Variants in ALKBH4 observed in about 807,000 individuals in gnomAD.
The protein encoded by ALKBH4 is alpha-ketoglutarate-dependent dioxygenase alkB homolog 4.
Under a neutral mutation model 12.1 loss-of-function variants are expected in ALKBH4, and 8 were observed. The ratio of observed to expected loss-of-function variants is 0.66; its 90% CI spans 0.39 to 1.19. The LOEUF is 1.19. Among genes scored for constraint, ALKBH4 ranks in the 50% most tolerant of loss-of-function variants. The probability of loss-of-function intolerance (pLI) is 0.01; values close to 1 mark genes in which losing one functional copy is unlikely to be tolerated. For missense variants in ALKBH4, 403 were observed against 430.4 expected, an observed-to-expected ratio of 0.94 and a Z score of 0.56; for synonymous variants, 195 against 191.6, an observed-to-expected ratio of 1.02 and a Z score of -0.15.
intron 1 of ALKBH4, among the ~76,000 whole-genome samples, chr7:102,464,044 C>A (rs548949559): frequency 5.9e-5 from 9 of 152,080 alleles, no homozygotes; most frequent in South Asian, 4.2e-4. Context: ...GACCTCCCCC[C>A]CCCCACAACC....
At position 102,460,267 on chromosome 7, in the gene ALKBH4, G is replaced by A. The variant is rs542773587; in HGVS notation, c.124-466C>T. 2.7e-4 allele frequency among the ~76,000 whole-genome samples: 41 copies of A among 151,348 alleles called. 1 individual carries two copies. The South Asian group carries it at 6.3e-3, about 23-fold the overall frequency. On this transcript the variant is annotated intron_variant, in intron 1 of 2. Transcript: ENST00000292566. ...TTGAGCCCAGGAGGTTGAGGCTACA[G>A]TGAGCCATGGTCGCGCTACTGCACT...
rs1797674606 is a variant in ALKBH4 at position 102,457,266 on chromosome 7, G to A, written c.*128C>T. 2.7e-6 allele frequency: 3 copies of A among 1,116,374 alleles called. No individual in the cohort carries two copies. The African/African-American group carries it at 4.7e-5, about 17-fold the overall frequency. 69.2% of individuals were successfully genotyped at this position (1,116,374 alleles called of 1,614,324 possible). On this transcript the variant is annotated 3_prime_UTR_variant, in exon 3 of 3. Coordinates refer to ENST00000292566, the MANE Select transcript of ALKBH4 (RefSeq NM_017621.4). This position sits in a 1 kb window ranked among gnomAD's most constrained non-coding sequence, Gnocchi z 5.9. ...CCCATCAAAACCTGCTCCTGGGCAG[G>A]GCTCACACTGCTCACAGCATCAGGG...
intron 1 of ALKBH4, among the ~76,000 whole-genome samples, chr7:102,462,204 G>C (rs1057470677): frequency 2.6e-5 from 4 of 152,172 alleles, no homozygotes; most frequent in Admixed American, 1.3e-4. Context: ...GATCTGGAGG[G>C]GGGAGGGGCA....
intron 1 of ALKBH4, among the ~76,000 whole-genome samples, chr7:102,460,910 T>A (rs2133253981): frequency 6.6e-6 from 1 of 152,274 alleles, no homozygotes; most frequent in Non-Finnish European, 1.5e-5. Context: ...TCAGGGCACC[T>A]TTCCAGACCC....
intron 1 of ALKBH4, 64 bp from the exon 2 acceptor site, chr7:102,459,865 TA>T: frequency 6.8e-7 from 1 of 1,476,470 alleles, no homozygotes; most frequent in Non-Finnish European, 9.1e-7. Flanking sequence ...TACGAAAAGT[TA>T]AAACAGGCCA....
chr7:102,459,754 G>A lies in ALKBH4; in HGVS notation c.171C>T (p.Gly57=). Residue 57 remains glycine, a synonymous_variant, in exon 2 of 3, where the codon GGC becomes GGT. Transcript: ENST00000292566. ...AGCCCTCAAAGTCAGACTCCTCTGT[G>A]CCCACGGCCCAGCCGGTGTCGGAGC... ...IYCSDTGWAV[G]TEESDFEGWA... is the part of the protein sequence containing the mutation. The A allele has an allele frequency of 6.2e-7, 1 of 1,613,118 alleles. No individual in the cohort carries two copies. Among genetic ancestry groups the A allele is most frequent in the Non-Finnish European group, 8.5e-7 (1 of 1,179,646 alleles).
At chr7:102,458,665 G>A (rs762060076) in intron 2 of ALKBH4, among the ~76,000 whole-genome samples, 14 of 152,006 alleles carry the variant, frequency 9.2e-5, no homozygotes, top group Middle Eastern at 3.4e-3. Context: ...TAGAGCCTGG[G>A]GGGTCAAGGC....
chr7:102,464,037 C>T (rs1797870773), intron 1 of ALKBH4, among the ~76,000 whole-genome samples: 1 of 143,552 alleles, frequency 7.0e-6, no homozygotes, highest in African/African-American at 2.5e-5. Flanking sequence ...GTGATCAGAC[C>T]TCCCCCCCCC....
intron 2 of ALKBH4, chr7:102,459,315 G>A: frequency 3.0e-6 from 1 of 331,258 alleles, no homozygotes; most frequent in Non-Finnish European, 5.6e-6. Flanking sequence ...GGGGGCGCCT[G>A]CAGCTTGGGA....
In ALKBH4 at chr7:102,457,021, T is replaced by A. The variant is rs920581707; in HGVS notation, c.*373A>T. The stretch of plus-strand genomic sequence containing the variant: ...TTTTTGTAGTTTTTGTAGAGACGGG[T>A]TTTCACCGTGTTGGCCAGGCTGGTC... On this transcript the variant is annotated 3_prime_UTR_variant, in exon 3 of 3. Transcript: ENST00000292566. The surrounding 1 kb of genome is among the most constrained non-coding windows in gnomAD (Gnocchi z 5.9). 1 of 164,568 alleles carries A rather than the reference T, an allele frequency of 6.1e-6. No individual in the cohort carries two copies. Among genetic ancestry groups the A allele is most frequent in the Non-Finnish European group, 1.3e-5 (1 of 76,590 alleles). The allele number at this position is 164,568 out of a possible 1,614,324, so 10.2% of individuals were successfully genotyped here. A position where few individuals can be genotyped will look rare whatever the true frequency, so the allele number is the denominator to read the frequency against.
Position 102,457,661 on chromosome 7 carries a change from C to T in ALKBH4, c.642G>A (p.Leu214=). 6.4e-7 allele frequency: 1 copy of T among 1,566,610 alleles called. No individual in the cohort carries two copies. The highest frequency in any genetic ancestry group is 8.6e-7 in the Non-Finnish European group (1 of 1,162,494). Residue 214 remains leucine, a synonymous_variant, in exon 3 of 3, where the codon TTG becomes TTA. Transcript: ENST00000292566. This position sits in a 1 kb window ranked among gnomAD's most constrained non-coding sequence, Gnocchi z 5.9. ...CSAPSAAPEA[L]VDSVIAPSRS... ...GGCTGGGTGCTATCACGCTGTCCAC[C>T]AAGGCCTCCGGGGCAGCCGACGGGG...
At chr7:102,460,339 A>AG (rs1271863130) in intron 1 of ALKBH4, among the ~76,000 whole-genome samples, 1 of 2,136 alleles carries the variant, frequency 4.7e-4, no homozygotes, top group African/African-American at 7.0e-4. Context: ...AAAAAAAAAG[A>AG]AAAAAAAAAA....
intron 1 of ALKBH4, among the ~76,000 whole-genome samples, chr7:102,460,289 C>T (rs911369098): frequency 1.3e-5 from 2 of 149,198 alleles, no homozygotes; most frequent in Non-Finnish European, 3.0e-5. Context: ...CGCGCTACTG[C>T]ACTCCAGCCT....
rs1797659183 is a variant in ALKBH4, at chr7:102,456,725, TTCCCTAA to T, written c.*662_*668del. 6.6e-6 allele frequency: 1 copy of T among 152,194 alleles called. No individual in the cohort carries two copies. Among genetic ancestry groups the T allele is most frequent in the Non-Finnish European group, 1.5e-5 (1 of 68,046 alleles). The allele number at this position is 152,194 out of a possible 1,614,324, so 9.4% of individuals were successfully genotyped here. A position where few individuals can be genotyped will look rare whatever the true frequency, so the allele number is the denominator to read the frequency against. ...TCTAAACTTCAAATCTTCAACCCTGTTCCCTAATCCAACACATTCCCCAAATGAAGGG... is the reference window on the plus strand; with the variant it reads ...TCTAAACTTCAAATCTTCAACCCTGTTCCAACACATTCCCCAAATGAAGGG... On this transcript the variant is annotated 3_prime_UTR_variant, in exon 3 of 3. Coordinates refer to ENST00000292566, the MANE Select transcript of ALKBH4 (RefSeq NM_017621.4).
chr7:102,459,532 G>A, intron 2 of ALKBH4, 72 bp downstream of exon 2: 4 of 1,513,006 alleles, frequency 2.6e-6, no homozygotes, highest in Non-Finnish European at 3.6e-6. Context: ...GCAAGGAGGG[G>A]GATGGCCCCC....
Position 102,457,848 on chromosome 7 carries a change from T to C in ALKBH4, c.455A>G (p.Glu152Gly). Residue 152 changes from glutamate to glycine, a missense_variant, in exon 3 of 3, where the codon GAG becomes GGG. Coordinates refer to ENST00000292566, the MANE Select transcript of ALKBH4 (RefSeq NM_017621.4). This position sits in a 1 kb window ranked among gnomAD's most constrained non-coding sequence, Gnocchi z 5.9. ...YPGLEGFRPV[E>G]QCNLDYCPER... Reference sequence around the variant, plus strand: ...GGGGCAGTAGTCCAGGTTGCACTGCTCGACGGGCCGGAAGCCCTCCAGCCC... The same window carrying C: ...GGGGCAGTAGTCCAGGTTGCACTGCCCGACGGGCCGGAAGCCCTCCAGCCC... 1 of 1,611,514 alleles carries C rather than the reference T, an allele frequency of 6.2e-7. No individual in the cohort carries two copies. Among genetic ancestry groups the C allele is most frequent in the Non-Finnish European group, 8.5e-7 (1 of 1,179,944 alleles).
intron 1 of ALKBH4, among the ~76,000 whole-genome samples, chr7:102,461,430 G>C (rs1458832641): frequency 6.6e-6 from 1 of 151,958 alleles, no homozygotes; most frequent in Non-Finnish European, 1.5e-5. Context: ...GCACGATCTC[G>C]GCTCACTGCA....
intron 1 of ALKBH4, among the ~76,000 whole-genome samples, chr7:102,461,435 A>C (rs1180858632): frequency 2.6e-5 from 4 of 152,066 alleles, no homozygotes; most frequent in African/African-American, 7.2e-5. Flanking sequence ...ATCTCGGCTC[A>C]CTGCAACCTC....
Position 102,459,640 on chromosome 7 carries a change from G to T in ALKBH4, c.285C>A (p.Asp95Glu). Residue 95 changes from aspartate to glutamate, a missense_variant, in exon 2 of 3, where the codon GAC becomes GAA. Transcript: ENST00000292566. ...GTCCAGACTGGGAGAGCTTCCAGGG[G>T]TCACGGTCCATGAGCCGCACCAACT... ...EAELVRLMDR[D>E]PWKLSQSGRR... 6.2e-7 allele frequency: 1 copy of T among 1,614,136 alleles called. No homozygotes were observed. Among genetic ancestry groups the T allele is most frequent in the African/African-American group, 1.3e-5 (1 of 75,042 alleles).
Sources: allele counts gnomAD v4.1 joint callset (sites outside exome capture counted in the v4.1 genomes callset), GRCh38; gene constraint gnomAD v4.1.1; non-coding constraint Gnocchi (gnomAD v3.1); transcripts MANE v1.5; gene names NCBI Gene and HGNC (gene_info 2026-07-23, HGNC 2026-07-21).